GLG1: variants seen among roughly 807,000 people sequenced by gnomAD.
GLG1 encodes the protein Golgi apparatus protein 1.
In GLG1, 38 loss-of-function variants were observed where a neutral mutation model predicts 160.5. The observed-to-expected ratio is 0.24, with a 90% confidence interval of 0.18 to 0.31. The LOEUF (loss-of-function observed/expected upper bound fraction) is 0.31, where lower values mean the gene tolerates loss of function less well. GLG1 is among the 10% of genes least tolerant of loss of function. The pLI is 1.00. For missense variants in GLG1, 1,373 were observed against 1,505.2 expected (o/e 0.91, Z 1.45); for synonymous variants, 644 against 543.4 (o/e 1.19, Z -2.57).
chr16:74,544,066 G>C (rs1423302911), intron 1 of GLG1, among the ~76,000 whole-genome samples: 3 of 152,174 alleles, frequency 2.0e-5, no homozygotes, highest in Non-Finnish European at 2.9e-5. Context: ...GATCCTTTTA[G>C]AATTACTGTT....
chr16:74,559,361 T>C (rs909721301), intron 1 of GLG1, among the ~76,000 whole-genome samples: 3 of 151,686 alleles, frequency 2.0e-5, no homozygotes, highest in African/African-American at 7.3e-5. Flanking sequence ...GGAGGATCGT[T>C]TGAGCCCAGG....
At chr16:74,503,870 A>G (rs2016504113) in intron 3 of GLG1, 124 bp from the exon 4 acceptor site, 1 of 660,240 alleles carries the variant, frequency 1.5e-6, no homozygotes, top group African/African-American at 1.8e-5. Context: ...GGAAGAAAAA[A>G]AGAAAAATGC....
intron 1 of GLG1, among the ~76,000 whole-genome samples, chr16:74,577,745 G>A (rs2019044658): frequency 6.6e-6 from 1 of 151,786 alleles, no homozygotes; most frequent in African/African-American, 2.4e-5. Flanking sequence ...TGAGTAACTG[G>A]GACCACAGGC....
intron 4 of GLG1, among the ~76,000 whole-genome samples, chr16:74,497,226 T>C (rs923250357): frequency 1.2e-4 from 18 of 150,632 alleles, no homozygotes; most frequent in African/African-American, 3.4e-4. Flanking sequence ...TAGGCGGAGG[T>C]TGCAGTGAGC....
At position 74,456,678 on chromosome 16, in the gene GLG1, G is replaced by T. The variant is rs575214774; in HGVS notation, c.3343C>A (p.Arg1115=). The change falls in exon 25 of 26, where the codon CGG becomes AGG. Residue 1115 remains arginine (R), a synonymous_variant. Transcript: ENST00000422840. ...GCTGCGTAACTCCACATCTCAATCC[G>T]GTCATTGAGGCGCTTTTTGCACTCG... ...QPECKKRLND[R]IEMWSYAAKV... is the part of the protein sequence containing the mutation. The T allele has an allele frequency of 1.8e-5, 29 of 1,606,094 alleles. No homozygotes were observed. In the East Asian group the frequency reaches 5.8e-4, roughly 32 times the overall value.
At chr16:74,488,210 T>A (rs965078021) in intron 8 of GLG1, among the ~76,000 whole-genome samples, 1 of 151,870 alleles carries the variant, frequency 6.6e-6, no homozygotes, top group Non-Finnish European at 1.5e-5. Context: ...CAGACAGGTA[T>A]GGAAGTCTGC....
chr16:74,473,328 C>T (rs2015275423), intron 13 of GLG1, among the ~76,000 whole-genome samples: 1 of 152,054 alleles, frequency 6.6e-6, no homozygotes, highest in Non-Finnish European at 1.5e-5. Flanking sequence ...ATCCTCCTGC[C>T]TCAGCCTCCC....
intron 2 of GLG1, among the ~76,000 whole-genome samples, chr16:74,510,122 C>T (rs1244415922): frequency 6.6e-6 from 1 of 151,816 alleles, no homozygotes; most frequent in Non-Finnish European, 1.5e-5. Flanking sequence ...ACCTCTGCCT[C>T]CCAGGTTCAA....
rs986269756 is a variant in GLG1 at position 74,572,050 on chromosome 16, G to A, written c.438+34607C>T. Among the ~76,000 whole-genome samples the A allele has an allele frequency of 2.6e-5, 4 of 152,104 alleles. No individual in the cohort carries two copies. In the South Asian group the frequency reaches 6.2e-4, roughly 24 times the overall value. Reference sequence around the variant, plus strand: ...AATGGTGGTGTTGGGGGTGGTGGTGGCGCTTAAAAAGCTAATTTAGGATGG... The same window carrying A: ...AATGGTGGTGTTGGGGGTGGTGGTGACGCTTAAAAAGCTAATTTAGGATGG... On this transcript the variant is annotated intron_variant, in intron 1 of 25. Coordinates refer to ENST00000422840, the MANE Select transcript of GLG1 (RefSeq NM_001145667.2).
chr16:74,468,978 G>C lies in GLG1; in HGVS notation c.2404C>G (p.Arg802Gly). 6.2e-7 allele frequency: 1 copy of C among 1,611,768 alleles called. No individual in the cohort carries two copies. ...AGCTCCTCCACACGGAGCTGCCTGC[G>C]GCACTTCAGGGACACCCTGTGCTCC... The part of the protein sequence containing the change: ...AKEHRVSLKC[R>G]RQLRVEELEM... Residue 802 changes from arginine to glycine, a missense_variant, in exon 17 of 26, where the codon CGC becomes GGC. Arg to Gly is a moderately radical substitution (Grantham distance 125). Around this residue, in one of 4 missense-constraint regions of GLG1, gnomAD observed 491 missense variants for 632.1 expected, o/e 0.78. Coordinates refer to ENST00000422840, the MANE Select transcript of GLG1 (RefSeq NM_001145667.2).
intron 15 of GLG1, 83 bp downstream of exon 15, chr16:74,471,090 T>A: frequency 3.7e-6 from 3 of 808,496 alleles, no homozygotes; most frequent in Non-Finnish European, 6.7e-6. Context: ...ACATCAGAGG[T>A]GCTCTGATGT....
chr16:74,561,598 A>G (rs1292503112), intron 1 of GLG1, among the ~76,000 whole-genome samples: 2 of 152,222 alleles, frequency 1.3e-5, no homozygotes, highest in East Asian at 1.9e-4. Context: ...CCAGATTTTC[A>G]TGCTAAATCA....
chr16:74,546,806 C>G (rs1400221094), intron 1 of GLG1, among the ~76,000 whole-genome samples: 10 of 117,952 alleles, frequency 8.5e-5, no homozygotes, highest in African/African-American at 1.3e-4. Flanking sequence ...CCACTGCACT[C>G]CATCCTGGGC....
At chr16:74,490,788 T>C (rs534664142) in intron 8 of GLG1, among the ~76,000 whole-genome samples, 2 of 152,334 alleles carry the variant, frequency 1.3e-5, no homozygotes, top group Admixed American at 6.5e-5. Flanking sequence ...ATTCTTTTTA[T>C]TGATTATGAG....
chr16:74,533,770 G>A (rs2017611268), intron 1 of GLG1, among the ~76,000 whole-genome samples: 1 of 152,162 alleles, frequency 6.6e-6, no homozygotes, highest in South Asian at 2.1e-4. Context: ...AACAGAGCGA[G>A]ATTCCATCTC....
intron 2 of GLG1, among the ~76,000 whole-genome samples, chr16:74,524,189 A>C (rs2017263129): frequency 1.3e-5 from 2 of 152,196 alleles, no homozygotes; most frequent in African/African-American, 4.8e-5. Flanking sequence ...AGCCTGGGTG[A>C]CAGAGCGACA....
At chr16:74,464,337 G>C (rs560072201) in intron 19 of GLG1, among the ~76,000 whole-genome samples, 1 of 152,138 alleles carries the variant, frequency 6.6e-6, no homozygotes, top group Non-Finnish European at 1.5e-5. Context: ...CAAGGATGTG[G>C]GCTAAGGACC....
chr16:74,542,573 G>A (rs1272098870), intron 1 of GLG1, among the ~76,000 whole-genome samples: 1 of 150,858 alleles, frequency 6.6e-6, no homozygotes, highest in Non-Finnish European at 1.5e-5. Context: ...TTGGGAGGCT[G>A]AGGCAGGAGA....
At chr16:74,456,575 G>T in intron 25 of GLG1, 74 bp downstream of exon 25, 1 of 905,360 alleles carries the variant, frequency 1.1e-6, no homozygotes, top group Non-Finnish European at 1.8e-6. Context: ...CTTTGCTCAA[G>T]GATGACATGC....
Sources: allele counts gnomAD v4.1 joint callset (sites outside exome capture counted in the v4.1 genomes callset), GRCh38; gene constraint gnomAD v4.1.1; regional missense constraint gnomAD v4.1.1; transcripts MANE v1.5; gene names NCBI Gene and HGNC (gene_info 2026-07-23, HGNC 2026-07-21).